Variants in LRRTM4 observed in about 807,000 individuals in gnomAD.
The protein encoded by LRRTM4 is leucine-rich repeat transmembrane neuronal protein 4.
LRRTM4 carries 25 observed loss-of-function variants against 47.6 expected under a neutral mutation model. That is an observed-to-expected ratio of 0.53 (90% CI 0.38 to 0.73). LRRTM4 has a LOEUF of 0.73. Ranked by LOEUF, LRRTM4 falls within the 30% of genes least tolerant of loss-of-function variation. The probability of loss-of-function intolerance (pLI) is 0.00; values close to 1 mark genes in which losing one functional copy is unlikely to be tolerated. For synonymous variants in LRRTM4, 311 were observed against 269.5 expected (o/e 1.15, Z -1.51); for missense variants, 638 against 713.4 (o/e 0.89, Z 1.20).
intron 3 of LRRTM4, among the ~76,000 whole-genome samples, chr2:76,802,326 C>T (rs79775417): frequency 0.045 from 6,756 of 150,956 alleles, 458 homozygotes; most frequent in African/African-American, 0.14. Flanking sequence ...TTTATATATA[C>T]TAACAACAAA....
At chr2:76,786,690 T>G (rs1674691681) in intron 3 of LRRTM4, among the ~76,000 whole-genome samples, 1 of 152,124 alleles carries the variant, frequency 6.6e-6, no homozygotes, top group South Asian at 2.1e-4. Context: ...ACTTCTTTGA[T>G]TCCTGCTTTC....
In LRRTM4 at chr2:76,968,381, T is replaced by TAC. The variant is rs1359697199; in HGVS notation, c.1552-219466_1552-219465insGT. Among the ~76,000 whole-genome samples, 301 of 116,196 alleles carry TAC rather than the reference T, an allele frequency of 2.6e-3. 1 individual carries two copies. Among genetic ancestry groups the TAC allele is most frequent in the African/African-American group, 8.3e-3 (253 of 30,666 alleles). The allele number at this position is 116,196 out of a possible 152,430, so 76.2% of individuals were successfully genotyped here. A position where few individuals can be genotyped will look rare whatever the true frequency, so the allele number is the denominator to read the frequency against. On this transcript the variant is annotated intron_variant, in intron 3 of 3. Transcript: ENST00000409884. ...ATATATATATATATATATATATATA[T>TAC]ATACACATACATACATACATATATA...
At chr2:77,037,760 T>G (rs1573483611) in intron 3 of LRRTM4, among the ~76,000 whole-genome samples, 1 of 151,780 alleles carries the variant, frequency 6.6e-6, no homozygotes, top group Non-Finnish European at 1.5e-5. Context: ...GTTTTCAGCT[T>G]GGAACATCAA....
intron 3 of LRRTM4, among the ~76,000 whole-genome samples, chr2:76,963,935 CATTA>C (rs1481121672): frequency 6.6e-6 from 1 of 150,428 alleles, no homozygotes; most frequent in African/African-American, 2.4e-5. Flanking sequence ...CAAAACATGT[CATTA>C]ATATTTTAAT....
At chr2:77,067,115 G>A (rs187981106) in intron 3 of LRRTM4, among the ~76,000 whole-genome samples, 1 of 152,262 alleles carries the variant, frequency 6.6e-6, no homozygotes, top group East Asian at 1.9e-4. Context: ...GCTTTACACT[G>A]CCTATTGCAA....
At chr2:77,299,246 T>G (rs1352864664) in intron 3 of LRRTM4, among the ~76,000 whole-genome samples, 1 of 100,734 alleles carries the variant, frequency 9.9e-6, no homozygotes, top group Non-Finnish European at 2.0e-5. Flanking sequence ...TCTCTCTTTA[T>G]CTATATATAT....
intron 3 of LRRTM4, among the ~76,000 whole-genome samples, chr2:77,413,782 T>C (rs17014064): frequency 0.059 from 8,976 of 152,168 alleles, 903 homozygotes; most frequent in African/African-American, 0.2. Flanking sequence ...GCAGTACATA[T>C]GGACATAAGT....
intron 3 of LRRTM4, among the ~76,000 whole-genome samples, chr2:77,066,755 T>C (rs952646531): frequency 1.3e-5 from 2 of 152,222 alleles, no homozygotes; most frequent in African/African-American, 4.8e-5. Flanking sequence ...ATTAAAATAA[T>C]AGGAGCTACT....
chr2:77,251,302 C>G (rs1675609773), intron 3 of LRRTM4, among the ~76,000 whole-genome samples: 3 of 149,800 alleles, frequency 2.0e-5, no homozygotes, highest in Admixed American at 6.7e-5. Flanking sequence ...TTTTTAGCCA[C>G]AAATTTTGAA....
chr2:77,411,548 GT>G (rs1208144441), intron 3 of LRRTM4, among the ~76,000 whole-genome samples: 1 of 146,434 alleles, frequency 6.8e-6, no homozygotes, highest in East Asian at 2.0e-4. Context: ...CGCCTCCCGG[GT>G]TCACGCCATT....
chr2:76,775,047 AAG>A (rs950278860), intron 3 of LRRTM4, among the ~76,000 whole-genome samples: 44 of 152,286 alleles, frequency 2.9e-4, no homozygotes, highest in African/African-American at 9.6e-4. Flanking sequence ...GAATTTCTCC[AAG>A]ATACATATCT....
Position 76,792,574 on chromosome 2 carries a change from T to C in LRRTM4, c.1552-43658A>G, listed in dbSNP as rs549168646. Among the ~76,000 whole-genome samples the C allele has an allele frequency of 2.0e-5, 3 of 152,290 alleles. No homozygotes were observed. In the East Asian group the frequency reaches 5.8e-4, roughly 29 times the overall value. ...ACAAGGTAAGTTATATTAATTCTTC[T>C]AGTAACAATCAGAGAATAAAGTGTG... On this transcript the variant is annotated intron_variant, in intron 3 of 3. Transcript: ENST00000409884.
intron 3 of LRRTM4, among the ~76,000 whole-genome samples, chr2:76,916,943 T>C (rs566979227): frequency 2.4e-4 from 36 of 152,374 alleles, no homozygotes; most frequent in Middle Eastern, 6.8e-3. Context: ...GTTTTCTCTC[T>C]TCCTTAAGTT....
rs1163055431 is a variant in LRRTM4, at chr2:76,794,778, A to G, written c.1552-45862T>C. Among the ~76,000 whole-genome samples the G allele has an allele frequency of 2.0e-5, 3 of 152,088 alleles. No individual in the cohort carries two copies. In the East Asian group the frequency reaches 5.8e-4, roughly 29 times the overall value. ...TTGTGGGATGTGTAGCACCATCACA[A>G]ACTGTACCCACCAGAGCCAGTAGCA... is the stretch of plus-strand genomic sequence containing the variant. On this transcript the variant is annotated intron_variant, in intron 3 of 3. Transcript: ENST00000409884.
In LRRTM4 at chr2:77,279,797, A is replaced by G. The variant is rs968265009; in HGVS notation, c.1551+238521T>C. Among the ~76,000 whole-genome samples, 15 of 152,074 alleles carry G rather than the reference A, an allele frequency of 9.9e-5. 1 individual carries two copies. In the East Asian group the frequency reaches 1.7e-3, roughly 18 times the overall value. ...ACATGAAGTTGGTTGAATATTATCT[A>G]TAAGGAAATGAAGAGAGAGGCAGGA... On this transcript the variant is annotated intron_variant, in intron 3 of 3. Coordinates refer to ENST00000409884, the MANE Select transcript of LRRTM4 (RefSeq NM_001134745.3).
At chr2:77,348,306 T>TACAAC (rs754676129) in intron 3 of LRRTM4, among the ~76,000 whole-genome samples, 359 of 151,878 alleles carry the variant, frequency 2.4e-3, no homozygotes, top group Non-Finnish European at 3.3e-3. Context: ...TACAATACAA[T>TACAAC]ACAACAAAAT....
At chr2:77,220,391 G>C (rs979961675) in intron 3 of LRRTM4, among the ~76,000 whole-genome samples, 1 of 152,130 alleles carries the variant, frequency 6.6e-6, no homozygotes, top group Non-Finnish European at 1.5e-5. Context: ...GAAGGCTTCC[G>C]AAGATCAAAC....
At chr2:77,006,993 G>A (rs928454374) in intron 3 of LRRTM4, among the ~76,000 whole-genome samples, 4 of 152,042 alleles carry the variant, frequency 2.6e-5, no homozygotes, top group African/African-American at 9.7e-5. Context: ...ATAGAAAGAG[G>A]AATACCTAAT....
At chr2:77,085,033 T>G (rs1311140640) in intron 3 of LRRTM4, among the ~76,000 whole-genome samples, 1 of 152,156 alleles carries the variant, frequency 6.6e-6, no homozygotes, top group Non-Finnish European at 1.5e-5. Context: ...GATGTCAACA[T>G]TTCAACTAAA....
Sources: allele counts gnomAD v4.1 joint callset (sites outside exome capture counted in the v4.1 genomes callset), GRCh38; gene constraint gnomAD v4.1.1; transcripts MANE v1.5; gene names NCBI Gene and HGNC (gene_info 2026-07-23, HGNC 2026-07-21).